The following BRI3 variants were observed in gnomAD, a reference collection of about 807,000 sequenced individuals.
BRI3 encodes brain protein I3.
A neutral mutation model predicts 12.8 loss-of-function variants in BRI3; 6 were observed. That is an observed-to-expected ratio of 0.47 (90% CI 0.26 to 0.93). The LOEUF is 0.93. BRI3 is among the 40% of genes least tolerant of loss of function. The pLI is 0.15. For synonymous variants in BRI3, 91 were observed against 76.1 expected, an observed-to-expected ratio of 1.20 and a Z score of -1.02; for missense variants, 134 against 171.1, an observed-to-expected ratio of 0.78 and a Z score of 1.21.
chr7:98,301,601 G>C (rs1050005984), upstream of BRI3, among the ~76,000 whole-genome samples: 4 of 152,052 alleles, frequency 2.6e-5, no homozygotes, highest in African/African-American at 9.7e-5. Context: ...ACAGGCGTGA[G>C]CCACCGTGCC....
chr7:98,322,345 C>A, the BRI3 span, among the ~76,000 whole-genome samples: 1 of 152,184 alleles, frequency 6.6e-6, no homozygotes. Flanking sequence ...AACACGACCA[C>A]GCAGACGTCC....
chr7:98,308,708 C>T (rs1244003725), exon 2 of BRI3: 1 of 177,430 alleles, frequency 5.6e-6, no homozygotes, highest in African/African-American at 2.4e-5. Context: ...GACAGAGTCT[C>T]ACTCTGTTGC....
chr7:98,315,921 G>T, the BRI3 span, among the ~76,000 whole-genome samples: 1 of 152,148 alleles, frequency 6.6e-6, no homozygotes. Context: ...ACGGGCTTTG[G>T]AACCAGAAAG....
intron 2 of BRI3, among the ~76,000 whole-genome samples, chr7:98,290,155 C>G (rs1403574671): frequency 1.3e-5 from 2 of 150,078 alleles, no homozygotes; most frequent in African/African-American, 2.5e-5. Flanking sequence ...GCTTGTGGCA[C>G]CAAAATGATC....
At chr7:98,295,507 C>T (rs534902048), downstream of BRI3, among the ~76,000 whole-genome samples, 23 of 152,272 alleles carry the variant, frequency 1.5e-4, no homozygotes, top group African/African-American at 5.1e-4. Flanking sequence ...TTATGATGGG[C>T]TAATTTATGA....
chr7:98,309,241 CCTGG>C (rs200776883), exon 2 of BRI3: 3,655 of 151,542 alleles, frequency 0.024, 135 homozygotes, highest in African/African-American at 0.084. Flanking sequence ...ACCTCTACCT[CCTGG>C]CTGGGTTCAA....
chr7:98,282,002 G>GGGTCCGGAGGC, intron 1 of BRI3, 65 bp downstream of exon 1: 1 of 1,295,226 alleles, frequency 7.7e-7, no homozygotes, highest in South Asian at 2.4e-5. Flanking sequence ...CGGGGGACGT[G>GGGTCCGGAGGC]GGTCCGGAGG....
the BRI3 span, chr7:98,319,941 T>A: frequency 1.2e-6 from 1 of 836,980 alleles, no homozygotes; most frequent in South Asian, 1.7e-5. Context: ...CTGGGCATCA[T>A]CAACACGGAG....
downstream of BRI3, among the ~76,000 whole-genome samples, chr7:98,312,812 T>A (rs1210743862): frequency 1.3e-5 from 2 of 151,794 alleles, no homozygotes; most frequent in African/African-American, 2.4e-5. Context: ...CCAAACAAGG[T>A]TTTGCAGAGC....
chr7:98,301,495 T>TATATA, intron 1 of BRI3, among the ~76,000 whole-genome samples: 1 of 106,330 alleles, frequency 9.4e-6, no homozygotes, highest in Non-Finnish European at 2.3e-5. Flanking sequence ...ATATATATAT[T>TATATA]TTAAGTGGAG....
At chr7:98,296,565 G>GA (rs1163315852), downstream of BRI3, among the ~76,000 whole-genome samples, 13 of 152,118 alleles carry the variant, frequency 8.5e-5, no homozygotes, top group East Asian at 2.5e-3. Context: ...CAGAGGTTGT[G>GA]GTGAGCTGAG....
At chr7:98,282,233 G>A in intron 1 of BRI3, 118 bp from the exon 2 acceptor site, 1 of 958,938 alleles carries the variant, frequency 1.0e-6, no homozygotes, top group Non-Finnish European at 1.6e-6. Context: ...CGTCCCGAGG[G>A]TGGAAAAGAC....
chr7:98,291,119 T>G lies in BRI3; in HGVS notation c.254T>G (p.Val85Gly), dbSNP rs1584400891. 2.5e-6 allele frequency: 4 copies of G among 1,614,084 alleles called. No individual in the cohort carries two copies. The highest frequency in any genetic ancestry group is 3.4e-6 in the Non-Finnish European group (4 of 1,180,018). ...VGGCPVCRVGVLEDCFTFLGI... is the reference protein window; with the variant it reads ...VGGCPVCRVGGLEDCFTFLGI... ...GCCCGTCTCTGCTGCAGGGTTGGGG[T>G]GCTGGAGGACTGCTTCACCTTCCTG... Residue 85 changes from valine (V) to glycine (G), a missense_variant, in exon 3 of 3, where the codon GTG (valine) becomes GGG (glycine). Physicochemically the swap from Val to Gly is moderately radical, Grantham distance 109. Coordinates refer to ENST00000297290, the MANE Select transcript of BRI3 (RefSeq NM_015379.5).
intron 1 of BRI3, chr7:98,306,925 T>G (rs1392222237): frequency 5.9e-6 from 1 of 168,398 alleles, no homozygotes; most frequent in East Asian, 1.7e-4. Context: ...ATTACCCCTT[T>G]TTTTTTCCAT....
At chr7:98,305,101 G>C (rs1226838281), upstream of BRI3, among the ~76,000 whole-genome samples, 4 of 134,166 alleles carry the variant, frequency 3.0e-5, no homozygotes, top group Non-Finnish European at 4.6e-5. Context: ...ATGTTGGCCA[G>C]GCTAGTCTTG....
At chr7:98,318,955 A>AG in the BRI3 span, among the ~76,000 whole-genome samples, 1 of 151,702 alleles carries the variant, frequency 6.6e-6, no homozygotes, top group African/African-American at 2.4e-5. Flanking sequence ...CAAAAAAAAA[A>AG]AAAAAAAGAA....
rs1799936220 is a variant in BRI3, at chr7:98,291,198, C to CT, written c.335dup (p.Leu112PhefsTer31). 1 of 1,613,830 alleles carries CT rather than the reference C, an allele frequency of 6.2e-7. No homozygotes were observed. Among genetic ancestry groups the CT allele is most frequent in the African/African-American group, 1.3e-5 (1 of 74,932 alleles). On this transcript the variant is annotated frameshift_variant, in exon 3 of 3. Coordinates refer to ENST00000297290, the MANE Select transcript of BRI3 (RefSeq NM_015379.5). LOFTEE classifies it high-confidence loss of function. ...CCTTTGGGTTCATTTGCTGTTTTGC[C>CT]TTGAGGAAGCGACGATGCCCCAACT...
At chr7:98,307,800 G>A (rs1455180678) in exon 2 of BRI3, 18 of 1,614,130 alleles carry the variant, frequency 1.1e-5, no homozygotes, top group Admixed American at 1.7e-5. Context: ...GGAGCCCGCA[G>A]TGTGCGGGAA....
downstream of BRI3, among the ~76,000 whole-genome samples, chr7:98,312,532 G>T (rs1800911010): frequency 6.6e-6 from 1 of 152,160 alleles, no homozygotes; most frequent in Admixed American, 6.5e-5. Context: ...GATGGTAAAT[G>T]GTTAAGAGCA....
Sources: allele counts gnomAD v4.1 joint callset (sites outside exome capture counted in the v4.1 genomes callset), GRCh38; gene constraint gnomAD v4.1.1; transcripts MANE v1.5; gene names NCBI Gene and HGNC (gene_info 2026-07-23, HGNC 2026-07-21).